Variants in CALCR observed in about 807,000 individuals in gnomAD.
The protein encoded by CALCR is calcitonin receptor.
Under a neutral mutation model 59.5 loss-of-function variants are expected in CALCR, and 47 were observed. That is an observed-to-expected ratio of 0.79 (90% CI 0.63 to 1.01). CALCR has a LOEUF of 1.01. Among genes scored for constraint, CALCR ranks in the 50% least tolerant of loss-of-function variants. The probability of loss-of-function intolerance (pLI) is 0.00; values close to 1 mark genes in which losing one functional copy is unlikely to be tolerated. For missense variants in CALCR, 566 were observed against 597.1 expected (o/e 0.95, Z 0.54); for synonymous variants, 213 against 211.3 (o/e 1.01, Z -0.07).
At chr7:93,462,002 G>A (rs1435658455) in intron 7 of CALCR, 5 of 978,800 alleles carry the variant, frequency 5.1e-6, no homozygotes, top group Non-Finnish European at 6.1e-6. Context: ...TAGAAATGAA[G>A]AATTTTGAAA....
At chr7:93,525,084 T>A (rs891834900) in intron 2 of CALCR, among the ~76,000 whole-genome samples, 14 of 152,170 alleles carry the variant, frequency 9.2e-5, no homozygotes, top group Non-Finnish European at 1.8e-4. Context: ...ATCAAAAACA[T>A]TAATTCCAAA....
intron 2 of CALCR, among the ~76,000 whole-genome samples, chr7:93,513,178 C>T (rs1345188038): frequency 3.3e-5 from 5 of 151,992 alleles, no homozygotes; most frequent in African/African-American, 4.8e-5. Context: ...ATGGTCTTCA[C>T]GTAATACTGG....
intron 13 of CALCR, among the ~76,000 whole-genome samples, chr7:93,431,472 G>C (rs1490705604): frequency 6.6e-6 from 1 of 152,174 alleles, no homozygotes; most frequent in Non-Finnish European, 1.5e-5. Flanking sequence ...TTGTGAATCA[G>C]AATAGGGCTG....
chr7:93,503,688 G>A (rs562717371), intron 2 of CALCR, among the ~76,000 whole-genome samples: 1 of 152,260 alleles, frequency 6.6e-6, no homozygotes, highest in Admixed American at 6.5e-5. Flanking sequence ...GCGTAGCTTT[G>A]GAGTACAGAA....
intron 2 of CALCR, among the ~76,000 whole-genome samples, chr7:93,493,101 C>A (rs899670660): frequency 6.6e-6 from 1 of 151,294 alleles, no homozygotes; most frequent in African/African-American, 2.4e-5. Flanking sequence ...TCCTAACAAC[C>A]TTACCTAATG....
intron 5 of CALCR, 68 bp from the exon 6 acceptor site, chr7:93,472,555 A>G: frequency 1.1e-6 from 1 of 896,832 alleles, no homozygotes. Flanking sequence ...ATAATAAATT[A>G]AAGCTTAAAA....
intron 13 of CALCR, among the ~76,000 whole-genome samples, chr7:93,428,923 T>G (rs1157635204): frequency 6.6e-6 from 1 of 152,224 alleles, no homozygotes; most frequent in East Asian, 1.9e-4. Context: ...TTAGAGTTAG[T>G]TTGCAAAAGT....
At chr7:93,514,384 T>C (rs1801609361) in intron 2 of CALCR, among the ~76,000 whole-genome samples, 1 of 152,048 alleles carries the variant, frequency 6.6e-6, no homozygotes, top group African/African-American at 2.4e-5. Flanking sequence ...GGGCTAATAT[T>C]GAGCTCTAAA....
intron 3 of CALCR, among the ~76,000 whole-genome samples, chr7:93,483,316 T>C (rs1049830195): frequency 1.3e-5 from 2 of 151,534 alleles, no homozygotes; most frequent in Non-Finnish European, 3.0e-5. Flanking sequence ...AAATAGTCTG[T>C]ATGTTTACAA....
intron 2 of CALCR, chr7:93,559,466 T>G (rs568577406): frequency 6.6e-6 from 1 of 152,116 alleles, no homozygotes; most frequent in Non-Finnish European, 1.5e-5. Flanking sequence ...CTTAGCAGAA[T>G]GATTTATTTG....
Position 93,464,797 on chromosome 7 carries a change from C to T in CALCR, c.522-3850G>A, listed in dbSNP as rs1189821023. Among the ~76,000 whole-genome samples, 4 of 151,816 alleles carry T rather than the reference C, an allele frequency of 2.6e-5. No individual in the cohort carries two copies. The East Asian group carries it at 7.7e-4, about 29-fold the overall frequency. On this transcript the variant is annotated intron_variant, in intron 7 of 13. Coordinates refer to ENST00000426151, the MANE Select transcript of CALCR (RefSeq NM_001742.4). ...TTTGATACCATTGATTTCATGGTTTCCTTGGAGCAACAGGAAGGCAGCTAG... is the reference window on the plus strand; with the variant it reads ...TTTGATACCATTGATTTCATGGTTTTCTTGGAGCAACAGGAAGGCAGCTAG...
At chr7:93,511,127 A>C (rs1476222702) in intron 2 of CALCR, among the ~76,000 whole-genome samples, 3 of 152,104 alleles carry the variant, frequency 2.0e-5, no homozygotes, top group Admixed American at 2.0e-4. Flanking sequence ...ATATGCATAT[A>C]TATGCTATAT....
chr7:93,450,776 A>G (rs1800093315), intron 8 of CALCR, among the ~76,000 whole-genome samples: 1 of 151,982 alleles, frequency 6.6e-6, no homozygotes, highest in Admixed American at 6.6e-5. Context: ...TTTGCCAGAC[A>G]GGAGCTACTC....
intron 2 of CALCR, among the ~76,000 whole-genome samples, chr7:93,522,595 A>G (rs903497812): frequency 1.3e-5 from 2 of 152,200 alleles, no homozygotes; most frequent in Non-Finnish European, 2.9e-5. Flanking sequence ...TATTTCTACA[A>G]TAATTTATTT....
intron 2 of CALCR, among the ~76,000 whole-genome samples, chr7:93,524,129 C>G (rs1238844038): frequency 6.6e-6 from 1 of 151,456 alleles, no homozygotes; most frequent in Non-Finnish European, 1.5e-5. Flanking sequence ...CTTACCACCC[C>G]CAAATGCCCT....
chr7:93,543,068 T>C (rs889400008), intron 2 of CALCR, among the ~76,000 whole-genome samples: 1 of 152,222 alleles, frequency 6.6e-6, no homozygotes, highest in Non-Finnish European at 1.5e-5. Flanking sequence ...TTACATATTA[T>C]GTAATGCACA....
chr7:93,456,610 G>A (rs1260603170), intron 8 of CALCR, among the ~76,000 whole-genome samples: 2 of 152,068 alleles, frequency 1.3e-5, no homozygotes, highest in African/African-American at 4.8e-5. Flanking sequence ...AGGGCTAAAA[G>A]TTACATTTTT....
intron 8 of CALCR, among the ~76,000 whole-genome samples, chr7:93,447,529 G>C (rs990453281): frequency 9.2e-5 from 14 of 151,778 alleles, no homozygotes; most frequent in African/African-American, 3.4e-4. Context: ...GGTAGAGGAA[G>C]ACCTTAAGTA....
Position 93,557,658 on chromosome 7 carries a change from G to A in CALCR, c.-27+16631C>T, listed in dbSNP as rs901948968. On this transcript the variant is annotated intron_variant, in intron 2 of 13. Coordinates refer to ENST00000426151, the MANE Select transcript of CALCR (RefSeq NM_001742.4). The stretch of plus-strand genomic sequence containing the variant: ...TTTTGGCTTTTGGGTTTTGTGTTAT[G>A]TTTATGATTATAACACCTAGATTAT... Among the ~76,000 whole-genome samples the A allele has an allele frequency of 5.3e-5, 8 of 151,894 alleles. No individual in the cohort carries two copies. In the East Asian group the frequency reaches 1.5e-3, roughly 29 times the overall value.
Sources: gnomAD v4.1 joint callset for allele counts (sites outside exome capture counted in the v4.1 genomes callset) on GRCh38, gnomAD v4.1.1 for gene constraint, MANE v1.5 for transcripts, NCBI Gene and HGNC (gene_info 2026-07-23, HGNC 2026-07-21) for gene names.